D2HGDH: variants seen among roughly 807,000 people sequenced by gnomAD.
D2HGDH encodes the protein D-2-hydroxyglutarate dehydrogenase, also known as D-2-hydroxyglutarate dehydrogenase, mitochondrial.
Under a neutral mutation model 46.9 loss-of-function variants are expected in D2HGDH, and 31 were observed. The ratio of observed to expected loss-of-function variants is 0.66; its 90% CI spans 0.50 to 0.89. The LOEUF (loss-of-function observed/expected upper bound fraction) is 0.89, where lower values mean the gene tolerates loss of function less well. Ranked by LOEUF, D2HGDH falls within the 40% of genes least tolerant of loss-of-function variation. The probability of loss-of-function intolerance (pLI) is 0.00; values close to 1 mark genes in which losing one functional copy is unlikely to be tolerated. For synonymous variants in D2HGDH, 364 were observed against 332.6 expected (o/e 1.09, Z -1.03); for missense variants, 698 against 720.8 (o/e 0.97, Z 0.36).
At position 241,749,407 on chromosome 2, in the gene D2HGDH, C is replaced by T. The variant is rs139610220; in HGVS notation, c.854-744C>T. 7.9e-3 allele frequency: 9,821 copies of T among 1,247,138 alleles called. 77 individuals are homozygous for T. The highest frequency in any genetic ancestry group is 0.035 in the African/African-American group (2,252 of 64,790). The allele number at this position is 1,247,138 out of a possible 1,614,324, so 77.3% of individuals were successfully genotyped here. A position where few individuals can be genotyped will look rare whatever the true frequency, so the allele number is the denominator to read the frequency against. ...CCTGTCTCGCCCTGAAAGGTGGGCA[C>T]GGGCCCCCTCCTGCTGCAGCGTCTC... On this transcript the variant is annotated intron_variant, in intron 6 of 9. Transcript: ENST00000321264.
intron 9 of D2HGDH, among the ~76,000 whole-genome samples, chr2:241,761,160 A>C (rs1698775869): frequency 6.6e-6 from 1 of 152,208 alleles, no homozygotes; most frequent in Non-Finnish European, 1.5e-5. Flanking sequence ...AATAAAAAAT[A>C]AACAAAAGAC....
At chr2:241,753,698 G>C (rs113361243) in intron 8 of D2HGDH, among the ~76,000 whole-genome samples, 5,755 of 152,332 alleles carry the variant, frequency 0.038, 341 homozygotes, top group African/African-American at 0.13. Flanking sequence ...AGATGCCCCG[G>C]GCTCCTCTGA....
intron 8 of D2HGDH, among the ~76,000 whole-genome samples, chr2:241,753,618 G>A (rs530954195): frequency 2.4e-4 from 36 of 152,344 alleles, no homozygotes; most frequent in African/African-American, 7.7e-4. Context: ...GTTCAACGGG[G>A]GACACTCAGC....
rs1009117318 is a variant in D2HGDH, at chr2:241,743,529, G to A, written c.491-93G>A. ...GGCGCTGAGGCTGATGTTCCTTCTG[G>A]GTGGCTTGCCTGTGCAAGATGGGGG... On this transcript the variant is annotated intron_variant, in intron 4 of 9. Coordinates refer to ENST00000321264, the MANE Select transcript of D2HGDH (RefSeq NM_152783.5). This position sits in a 1 kb window ranked among gnomAD's most constrained non-coding sequence, Gnocchi z 4.8. 3 of 1,421,062 alleles carry A rather than the reference G, an allele frequency of 2.1e-6. No homozygotes were observed. The highest frequency in any genetic ancestry group is 1.9e-6 in the Non-Finnish European group (2 of 1,036,930). The allele number at this position is 1,421,062 out of a possible 1,614,324, so 88.0% of individuals were successfully genotyped here. A position where few individuals can be genotyped will look rare whatever the true frequency, so the allele number is the denominator to read the frequency against.
In D2HGDH at chr2:241,759,737, T is replaced by C. The variant is rs141965320; in HGVS notation, c.1306+3723T>C. Among the ~76,000 whole-genome samples the C allele has an allele frequency of 4.8e-3, 735 of 152,348 alleles. 2 individuals carry two copies. The highest frequency in any genetic ancestry group is 8.3e-3 in the Non-Finnish European group (564 of 68,026). On this transcript the variant is annotated intron_variant, in intron 9 of 9. Transcript: ENST00000321264. ...TTTTTGCTCTTCTGGTTTATGTTCT[T>C]TGTCATTTAGCTTTTTGCCGTTTAC...
Position 241,735,188 on chromosome 2 carries a change from C to T in D2HGDH, c.-37C>T, listed in dbSNP as rs773503026. 1,412 of 1,493,896 alleles carry T rather than the reference C, an allele frequency of 9.5e-4. No individual in the cohort carries two copies. The highest frequency in any genetic ancestry group is 1.2e-3 in the Non-Finnish European group (1,331 of 1,130,852). 92.5% of individuals were successfully genotyped at this position (1,493,896 alleles called of 1,614,324 possible). On this transcript the variant is annotated 5_prime_UTR_variant, in exon 2 of 10. Coordinates refer to ENST00000321264, the MANE Select transcript of D2HGDH (RefSeq NM_152783.5). ...CTCCGGGCCCTGAGTACCGGCCCCC[C>T]ACCAAGGAGGAGCCCGAGGTCTCCG...
At chr2:241,764,143 A>G (rs1699070710) in intron 9 of D2HGDH, among the ~76,000 whole-genome samples, 1 of 149,320 alleles carries the variant, frequency 6.7e-6, no homozygotes, top group Non-Finnish European at 1.5e-5. Flanking sequence ...GGATGTGTTC[A>G]GCCCTCTCTG....
chr2:241,743,690 A>T lies in D2HGDH; in HGVS notation c.559A>T (p.Ile187Phe). 6.2e-7 allele frequency: 1 copy of T among 1,614,056 alleles called. No individual in the cohort carries two copies. Among genetic ancestry groups the T allele is most frequent in the Non-Finnish European group, 8.5e-7 (1 of 1,179,994 alleles). ...CCGGTATGTGGAGGAACGGGACTTC[A>T]TCATGCCGCTGGACTTAGGAGCCAA... ...LSRYVEERDF[I>F]MPLDLGAKGS... The change falls in exon 5 of 10, where the codon ATC becomes TTC. Residue 187 changes from isoleucine (I) to phenylalanine (F), a missense_variant. Transcript: ENST00000321264. This position sits in a 1 kb window ranked among gnomAD's most constrained non-coding sequence, Gnocchi z 4.8.
chr2:241,738,105 G>T (rs982519712), intron 2 of D2HGDH, among the ~76,000 whole-genome samples: 1 of 152,168 alleles, frequency 6.6e-6, no homozygotes. Context: ...ACTGGAAATC[G>T]CTGGACCAAT....
intron 2 of D2HGDH, among the ~76,000 whole-genome samples, chr2:241,739,319 G>T (rs1261986061): frequency 1.3e-5 from 2 of 152,248 alleles, no homozygotes; most frequent in African/African-American, 4.8e-5. Flanking sequence ...GTGTGTCCGA[G>T]TCGAAAGCTT....
intron 6 of D2HGDH, 136 bp downstream of exon 6, chr2:241,745,013 C>T: frequency 1.7e-6 from 2 of 1,197,608 alleles, no homozygotes; most frequent in African/African-American, 1.5e-5. Context: ...CTCCTGACAT[C>T]TCTGCTTCCA....
At position 241,762,735 on chromosome 2, in the gene D2HGDH, T is replaced by C. The variant is rs563502761; in HGVS notation, c.1307-4975T>C. Among the ~76,000 whole-genome samples, 5 of 152,338 alleles carry C rather than the reference T, an allele frequency of 3.3e-5. No homozygotes were observed. The East Asian group carries it at 7.7e-4, about 24-fold the overall frequency. ...GTGATCGGCCGTCAGATCTGTCTGC[T>C]AAGGTCCACAGGCCAGCCATGATGC... On this transcript the variant is annotated intron_variant, in intron 9 of 9. Coordinates refer to ENST00000321264, the MANE Select transcript of D2HGDH (RefSeq NM_152783.5).
intron 3 of D2HGDH, among the ~76,000 whole-genome samples, chr2:241,741,897 A>T (rs1178557708): frequency 1.3e-5 from 2 of 151,704 alleles, no homozygotes; most frequent in Non-Finnish European, 2.9e-5. Flanking sequence ...GGTTTATTTC[A>T]TGTACATGGG....
chr2:241,754,256 T>A (rs925107726), intron 8 of D2HGDH, among the ~76,000 whole-genome samples: 7 of 152,178 alleles, frequency 4.6e-5, no homozygotes, highest in African/African-American at 1.7e-4. Flanking sequence ...CTCGCAGCCG[T>A]GCCCGTGCGG....
At chr2:241,752,034 G>C (rs1697329977) in intron 8 of D2HGDH, among the ~76,000 whole-genome samples, 1 of 147,436 alleles carries the variant, frequency 6.8e-6, no homozygotes, top group African/African-American at 2.5e-5. Flanking sequence ...CGGGACCTGG[G>C]TGGGAGGAGC....
chr2:241,758,505 G>T (rs1208839696), intron 9 of D2HGDH, among the ~76,000 whole-genome samples: 2 of 151,962 alleles, frequency 1.3e-5, no homozygotes, highest in Non-Finnish European at 1.5e-5. Context: ...GTGGGGACAG[G>T]GTCTCGCTGT....
intron 2 of D2HGDH, among the ~76,000 whole-genome samples, chr2:241,739,848 CAG>C (rs1340812577): frequency 1.3e-5 from 2 of 152,246 alleles, no homozygotes; most frequent in African/African-American, 4.8e-5. Flanking sequence ...TCCCTCGTGG[CAG>C]AGTCAGCTAA....
At chr2:241,764,440 G>A (rs1312471674) in intron 9 of D2HGDH, among the ~76,000 whole-genome samples, 6 of 152,216 alleles carry the variant, frequency 3.9e-5, no homozygotes, top group African/African-American at 1.4e-4. Flanking sequence ...TCAGGCCCAC[G>A]TGGCGTCTTC....
chr2:241,737,688 C>A (rs769376592), intron 2 of D2HGDH, among the ~76,000 whole-genome samples: 7 of 152,130 alleles, frequency 4.6e-5, no homozygotes, highest in Non-Finnish European at 7.4e-5. Context: ...CCCAGGAGTT[C>A]AAGACCAGCC....
Sources: gnomAD v4.1 joint callset for allele counts (sites outside exome capture counted in the v4.1 genomes callset) on GRCh38, gnomAD v4.1.1 for gene constraint, Gnocchi (gnomAD v3.1) non-coding constraint, MANE v1.5 for transcripts, NCBI Gene and HGNC (gene_info 2026-07-23, HGNC 2026-07-21) for gene names.